The following BCAS1 variants were observed in gnomAD, a reference collection of about 807,000 sequenced individuals.
BCAS1 encodes the protein brain enriched myelin associated protein 1.
BCAS1 carries 46 observed loss-of-function variants against 65.4 expected under a neutral mutation model. The ratio of observed to expected loss-of-function variants is 0.70; its 90% CI spans 0.55 to 0.90. The LOEUF (loss-of-function observed/expected upper bound fraction) is 0.90. Ranked by LOEUF, BCAS1 falls within the 40% of genes least tolerant of loss-of-function variation. The pLI, the probability that BCAS1 is intolerant of heterozygous loss-of-function variation, is 0.00. For synonymous variants in BCAS1, 298 were observed against 293.5 expected (o/e 1.02, Z -0.16); for missense variants, 793 against 771.2 (o/e 1.03, Z -0.33).
chr20:54,065,919 C>G (rs2146375533), intron 1 of BCAS1, among the ~76,000 whole-genome samples: 2 of 152,254 alleles, frequency 1.3e-5, no homozygotes, highest in African/African-American at 4.8e-5. Context: ...TAGAGATAAG[C>G]TGTTAGTATA....
chr20:54,031,352 G>C (rs2091794950), intron 3 of BCAS1, among the ~76,000 whole-genome samples: 1 of 151,344 alleles, frequency 6.6e-6, no homozygotes, highest in Non-Finnish European at 1.5e-5. Flanking sequence ...TGATATCAGA[G>C]AATGGGTAAA....
intron 7 of BCAS1, among the ~76,000 whole-genome samples, chr20:53,988,838 G>T (rs2090680736): frequency 6.6e-6 from 1 of 152,134 alleles, no homozygotes; most frequent in Non-Finnish European, 1.5e-5. Flanking sequence ...ACACTAATGA[G>T]GGGGCAGAGC....
chr20:54,024,908 CAG>C (rs747550280), intron 4 of BCAS1, among the ~76,000 whole-genome samples: 12 of 152,082 alleles, frequency 7.9e-5, no homozygotes, highest in African/African-American at 2.9e-4. Flanking sequence ...AGTGAAAACA[CAG>C]AATATTGTTC....
chr20:53,979,606 G>A (rs2090426331), intron 8 of BCAS1, among the ~76,000 whole-genome samples: 2 of 152,212 alleles, frequency 1.3e-5, no homozygotes, highest in Admixed American at 1.3e-4. Flanking sequence ...AATTGGCACG[G>A]ATCATCTCCT....
chr20:53,979,802 G>A (rs78529292), intron 8 of BCAS1, among the ~76,000 whole-genome samples: 21,121 of 152,220 alleles, frequency 0.14, 1,706 homozygotes, highest in South Asian at 0.21. Context: ...TTTTGTTTAT[G>A]TAAAGCACTT....
chr20:54,005,365 GT>G (rs1184798998), intron 4 of BCAS1, among the ~76,000 whole-genome samples: 1 of 131,656 alleles, frequency 7.6e-6, no homozygotes, highest in African/African-American at 2.9e-5. Flanking sequence ...GCATGCACCT[GT>G]GGTCCTAGCT....
At chr20:53,950,292 C>G (rs151312212) in intron 12 of BCAS1, among the ~76,000 whole-genome samples, 8 of 152,202 alleles carry the variant, frequency 5.3e-5, no homozygotes, top group Non-Finnish European at 1.0e-4. Flanking sequence ...ATTCCCACCC[C>G]CGTGCCTTTG....
intron 3 of BCAS1, among the ~76,000 whole-genome samples, chr20:54,040,497 A>G (rs1022741872): frequency 6.6e-6 from 1 of 151,344 alleles, no homozygotes; most frequent in African/African-American, 2.4e-5. Context: ...GCCAGGAAAC[A>G]GAGACAAGAG....
chr20:53,999,217 T>G (rs1411422587), intron 4 of BCAS1, among the ~76,000 whole-genome samples: 1 of 152,222 alleles, frequency 6.6e-6, no homozygotes, highest in Non-Finnish European at 1.5e-5. Flanking sequence ...CCTTCATAAC[T>G]TAACTCTCCC....
intron 3 of BCAS1, among the ~76,000 whole-genome samples, chr20:54,051,539 T>A (rs1024787845): frequency 6.6e-6 from 1 of 152,186 alleles, no homozygotes; most frequent in Admixed American, 6.5e-5. Flanking sequence ...CACCTCCCCA[T>A]CACATTACTT....
chr20:53,976,291 ACT>A (rs2090332730), intron 8 of BCAS1, among the ~76,000 whole-genome samples: 1 of 152,096 alleles, frequency 6.6e-6, no homozygotes, highest in Non-Finnish European at 1.5e-5. Context: ...ATAGATCTGG[ACT>A]CTCCTCCCAG....
chr20:54,039,407 G>C (rs2091952381), intron 3 of BCAS1, among the ~76,000 whole-genome samples: 1 of 151,530 alleles, frequency 6.6e-6, no homozygotes, highest in Admixed American at 6.6e-5. Flanking sequence ...TGGACATTTA[G>C]TGATGGAAAT....
intron 4 of BCAS1, among the ~76,000 whole-genome samples, chr20:54,022,091 A>T (rs2091572523): frequency 6.6e-6 from 1 of 152,150 alleles, no homozygotes; most frequent in Admixed American, 6.5e-5. Flanking sequence ...CATACTTGGA[A>T]TCATGTTAAA....
At chr20:53,946,723 G>A (rs972792369) in intron 12 of BCAS1, among the ~76,000 whole-genome samples, 1 of 127,008 alleles carries the variant, frequency 7.9e-6, no homozygotes, top group African/African-American at 3.4e-5. Context: ...CCACTGTATA[G>A]TATAGTAAAT....
intron 3 of BCAS1, among the ~76,000 whole-genome samples, chr20:54,044,267 T>C (rs1301986176): frequency 6.6e-6 from 1 of 152,234 alleles, no homozygotes; most frequent in Non-Finnish European, 1.5e-5. Flanking sequence ...GTCCTATCTC[T>C]CTTGGTCTAT....
At chr20:53,982,466 C>A (rs558286110) in intron 8 of BCAS1, among the ~76,000 whole-genome samples, 2 of 152,242 alleles carry the variant, frequency 1.3e-5, no homozygotes, top group East Asian at 3.9e-4. Context: ...ACTTTCATAT[C>A]CATAGCCTGT....
chr20:54,017,399 CTT>C (rs200791354), intron 4 of BCAS1, among the ~76,000 whole-genome samples: 11 of 121,700 alleles, frequency 9.0e-5, no homozygotes, highest in Admixed American at 1.6e-4. Context: ...TTTTTCTTTT[CTT>C]TTTTTTTTTT....
chr20:53,982,951 G>A (rs1386400579), intron 8 of BCAS1, among the ~76,000 whole-genome samples: 1 of 152,144 alleles, frequency 6.6e-6, no homozygotes, highest in Non-Finnish European at 1.5e-5. Context: ...GTGCAAGAAG[G>A]AGAGACACAG....
chr20:54,015,333 CTT>C (rs557558034), intron 4 of BCAS1, among the ~76,000 whole-genome samples: 20 of 147,926 alleles, frequency 1.4e-4, no homozygotes, highest in Admixed American at 2.0e-4. Flanking sequence ...TGCCCAAACT[CTT>C]TTTTTTTTTA....
Sources: gnomAD v4.1 joint callset for allele counts (sites outside exome capture counted in the v4.1 genomes callset) on GRCh38, gnomAD v4.1.1 for gene constraint, MANE v1.5 for transcripts, NCBI Gene and HGNC (gene_info 2026-07-23, HGNC 2026-07-21) for gene names.